The following ASIC4 variants were observed in gnomAD, a reference collection of about 807,000 sequenced individuals.
ASIC4 encodes the protein acid-sensing ion channel 4.
A neutral mutation model predicts 53.4 loss-of-function variants in ASIC4; 28 were observed. The ratio of observed to expected loss-of-function variants is 0.52; its 90% CI spans 0.39 to 0.72. The LOEUF is 0.72. Among genes scored for constraint, ASIC4 ranks in the 30% least tolerant of loss-of-function variants. The pLI is 0.00. For synonymous variants in ASIC4, 289 were observed against 301.4 expected (o/e 0.96, Z 0.43); for missense variants, 649 against 729.7 (o/e 0.89, Z 1.27).
chr2:219,519,769 G>T (rs967385313), intron 1 of ASIC4, among the ~76,000 whole-genome samples: 1 of 152,196 alleles, frequency 6.6e-6, no homozygotes, highest in Non-Finnish European at 1.5e-5. Flanking sequence ...GTAGGGCAGG[G>T]CTGGGATTAC....
chr2:219,532,276 G>T, intron 3 of ASIC4, 39 bp from the exon 4 acceptor site: 2 of 1,599,704 alleles, frequency 1.3e-6, no homozygotes, highest in Non-Finnish European at 1.7e-6. Flanking sequence ...GACTGGGTGG[G>T]ATTCCTGAGC....
At position 219,532,046 on chromosome 2, in the gene ASIC4, A is replaced by T; in HGVS notation, c.773A>T (p.Gln258Leu). The change falls in exon 3 of 10, where the codon CAG becomes CTG. Residue 258 changes from glutamine to leucine, a missense_variant. Coordinates refer to ENST00000358078, the MANE Select transcript of ASIC4 (RefSeq NM_018674.6). The stretch of plus-strand genomic sequence containing the variant: ...GGTATTCGGGTGCAGATCCACAGCC[A>T]GGAGGAGCCGCCCTACATCCACCAG... Reference protein sequence around the residue: ...EAGIRVQIHSQEEPPYIHQLG... With the variant: ...EAGIRVQIHSLEEPPYIHQLG... 2.5e-6 allele frequency: 4 copies of T among 1,614,242 alleles called. No homozygotes were observed. The highest frequency in any genetic ancestry group is 3.4e-6 in the Non-Finnish European group (4 of 1,180,036).
intron 1 of ASIC4, among the ~76,000 whole-genome samples, chr2:219,525,005 C>G (rs1455411340): frequency 1.3e-5 from 2 of 152,210 alleles, no homozygotes; most frequent in Non-Finnish European, 2.9e-5. Flanking sequence ...AATTACCATT[C>G]CCCTTTTACA....
At chr2:219,528,238 T>G (rs929248717) in intron 1 of ASIC4, among the ~76,000 whole-genome samples, 3 of 152,242 alleles carry the variant, frequency 2.0e-5, no homozygotes, top group African/African-American at 4.8e-5. Context: ...TTTTCTGTTT[T>G]TTTGAGACAG....
At chr2:219,513,445 G>C (rs1008629830), upstream of ASIC4, among the ~76,000 whole-genome samples, 3 of 151,350 alleles carry the variant, frequency 2.0e-5, no homozygotes, top group Non-Finnish European at 4.4e-5. Flanking sequence ...AGACCCCTTA[G>C]GGCTCTCCTG....
chr2:219,532,677 T>A, intron 4 of ASIC4, 200 bp downstream of exon 4: 1 of 831,124 alleles, frequency 1.2e-6, no homozygotes, highest in African/African-American at 1.7e-5. Context: ...TGCAGATGCC[T>A]GTGTGCATGT....
rs967595910 is a variant in ASIC4 at position 219,536,527 on chromosome 2, G to A, written c.1230-539G>A. Among the ~76,000 whole-genome samples, 2 of 152,298 alleles carry A rather than the reference G, an allele frequency of 1.3e-5. No homozygotes were observed. Among genetic ancestry groups the A allele is most frequent in the Middle Eastern group, 3.4e-3 (1 of 294 alleles). On this transcript the variant is annotated intron_variant, in intron 6 of 9. Transcript: ENST00000358078. The surrounding 1 kb of genome is among the most constrained non-coding windows in gnomAD (Gnocchi z 4.6). ...GAGTGAAGCTGGGGAGGCGTGAGCC[G>A]GCCTCTGAGGGCCCTGGGTTTGGGG...
intron 1 of ASIC4, among the ~76,000 whole-genome samples, chr2:219,523,237 T>C (rs1456085769): frequency 6.6e-6 from 1 of 152,152 alleles, no homozygotes; most frequent in Non-Finnish European, 1.5e-5. Context: ...AAAACTGACT[T>C]TCTAGGGTGT....
At chr2:219,520,646 A>G (rs536925048) in intron 1 of ASIC4, among the ~76,000 whole-genome samples, 1 of 152,234 alleles carries the variant, frequency 6.6e-6, no homozygotes, top group East Asian at 1.9e-4. Flanking sequence ...CAAGCCTCTT[A>G]TCTACCGCAC....
intron 1 of ASIC4, among the ~76,000 whole-genome samples, chr2:219,519,188 T>G (rs1694848621): frequency 6.6e-6 from 1 of 152,210 alleles, no homozygotes; most frequent in South Asian, 2.1e-4. Flanking sequence ...ATTCTTTAAA[T>G]AGGATATTAG....
At chr2:219,520,756 G>T in intron 1 of ASIC4, among the ~76,000 whole-genome samples, 1 of 152,214 alleles carries the variant, frequency 6.6e-6, no homozygotes, top group East Asian at 1.9e-4. Context: ...TTCAACATCT[G>T]GTTCAGGGCT....
rs779229905 is a variant in ASIC4 at position 219,514,923 on chromosome 2, A to G, written c.199A>G (p.Arg67Gly). The G allele has an allele frequency of 6.2e-7, 1 of 1,612,838 alleles. No individual in the cohort carries two copies. Among genetic ancestry groups the G allele is most frequent in the Non-Finnish European group, 8.5e-7 (1 of 1,179,842 alleles). ...TGGCCCAGGCCCCCACGGACTGCGC[A>G]GAACCCTGTGGGCACTGGCCCTACT... Reference protein sequence around the residue: ...ACGPGPHGLRRTLWALALLTS... With the variant: ...ACGPGPHGLRGTLWALALLTS... The change falls in exon 1 of 10, where the codon AGA (arginine) becomes GGA (glycine). Residue 67 changes from arginine (R) to glycine (G), a missense_variant. By Grantham distance (125) the Arg-to-Gly change is moderately radical. Transcript: ENST00000358078.
At chr2:219,514,077 T>C (rs1694736131), upstream of ASIC4, 3 of 475,290 alleles carry the variant, frequency 6.3e-6, no homozygotes, top group Non-Finnish European at 1.1e-5. Context: ...TGACCCTTCA[T>C]GGGGTGTGGG....
intron 1 of ASIC4, among the ~76,000 whole-genome samples, chr2:219,523,890 G>A (rs1353835175): frequency 6.6e-6 from 1 of 151,582 alleles, no homozygotes; most frequent in African/African-American, 2.4e-5. Flanking sequence ...GTGCCATCAC[G>A]GTGGCTCCCT....
rs2105980654 is a variant in ASIC4 at position 219,535,317 on chromosome 2, T to C, written c.1222T>C (p.Tyr408His). ...LARKYNRNET[Y>H]IRENFLVLDV... ...GAGGAAGTACAACCGCAACGAGACCTACATACGGTATGTGTGTGTGTGTGT... is the reference window on the plus strand; with the variant it reads ...GAGGAAGTACAACCGCAACGAGACCCACATACGGTATGTGTGTGTGTGTGT... Residue 408 changes from tyrosine (Y) to histidine (H), a missense_variant, in exon 6 of 10, where the codon TAC becomes CAC. Physicochemically the swap from Tyr to His is moderately conservative, Grantham distance 83. Transcript: ENST00000358078. 6.3e-7 allele frequency: 1 copy of C among 1,592,510 alleles called. No homozygotes were observed. Among genetic ancestry groups the C allele is most frequent in the Non-Finnish European group, 8.6e-7 (1 of 1,168,486 alleles).
upstream of ASIC4, among the ~76,000 whole-genome samples, chr2:219,511,896 G>A (rs567566162): frequency 8.7e-4 from 132 of 152,202 alleles, no homozygotes; most frequent in African/African-American, 2.6e-3. This position sits in a 1 kb window ranked among gnomAD's most constrained non-coding sequence, Gnocchi z 5.3. Context: ...GCAGGGAAGC[G>A]GGGAGAGGGA....
At chr2:219,532,577 T>C in intron 4 of ASIC4, 100 bp downstream of exon 4, 1 of 1,442,012 alleles carries the variant, frequency 6.9e-7, no homozygotes, top group Non-Finnish European at 9.3e-7. Context: ...GGTGCATGTA[T>C]ACAACATGTG....
At position 219,538,008 on chromosome 2, in the gene ASIC4, G is replaced by A. The variant is rs1470396502; in HGVS notation, c.1582G>A (p.Gly528Ser). The change falls in exon 10 of 10, where the codon GGT (glycine) becomes AGT (serine). Residue 528 changes from glycine (G) to serine (S), a missense_variant. Physicochemically the swap from Gly to Ser is moderately conservative, Grantham distance 56. Transcript: ENST00000358078. ...SLLPNHHHPH[G>S]PPGGLFEDFA... The stretch of plus-strand genomic sequence containing the variant: ...GCTCCCCAATCACCACCACCCCCAC[G>A]GTCCCCCAGGAGGTCTCTTTGAAGA... The A allele has an allele frequency of 6.8e-6, 11 of 1,613,200 alleles. No homozygotes were observed. Among genetic ancestry groups the A allele is most frequent in the East Asian group, 4.5e-5 (2 of 44,858 alleles).
intron 5 of ASIC4, 59 bp from the exon 6 acceptor site, chr2:219,535,112 G>A: frequency 2.6e-6 from 4 of 1,564,510 alleles, no homozygotes; most frequent in Non-Finnish European, 3.5e-6. Flanking sequence ...TCTGCAGCTG[G>A]TGGGCCACTG....
Sources: allele counts gnomAD v4.1 joint callset (sites outside exome capture counted in the v4.1 genomes callset), GRCh38; gene constraint gnomAD v4.1.1; non-coding constraint Gnocchi (gnomAD v3.1); transcripts MANE v1.5; gene names NCBI Gene and HGNC (gene_info 2026-07-23, HGNC 2026-07-21).